Variants in NCKAP5 observed in about 807,000 individuals in gnomAD.
The protein encoded by NCKAP5 is nck-associated protein 5.
A neutral mutation model predicts 167.0 loss-of-function variants in NCKAP5; 92 were observed. That is an observed-to-expected ratio of 0.55 (90% CI 0.47 to 0.66). The LOEUF (loss-of-function observed/expected upper bound fraction) is 0.66. Among genes scored for constraint, NCKAP5 ranks in the 30% least tolerant of loss-of-function variants. The pLI is 0.00. For missense variants in NCKAP5, 2,378 were observed against 2,315.0 expected, an observed-to-expected ratio of 1.03 and a Z score of -0.56; for synonymous variants, 891 against 877.4, an observed-to-expected ratio of 1.02 and a Z score of -0.27.
chr2:133,654,719 G>A, the NCKAP5 span, among the ~76,000 whole-genome samples: 1 of 152,196 alleles, frequency 6.6e-6, no homozygotes, highest in South Asian at 2.1e-4. Flanking sequence ...AATAGTTTTT[G>A]AATGAGTGAC....
intron 3 of NCKAP5, among the ~76,000 whole-genome samples, chr2:133,502,404 G>GGCA (rs777137686): frequency 1.4e-4 from 22 of 152,108 alleles, no homozygotes; most frequent in Non-Finnish European, 2.6e-4. Context: ...TTGGATCAAA[G>GGCA]GCAGCCCTCT....
Position 132,784,166 on chromosome 2 carries a change from C to T in NCKAP5, c.2645G>A (p.Arg882Lys), listed in dbSNP as rs1174075361. 1 of 1,537,174 alleles carries T rather than the reference C, an allele frequency of 6.5e-7. No homozygotes were observed. Among genetic ancestry groups the T allele is most frequent in the Non-Finnish European group, 8.7e-7 (1 of 1,144,824 alleles). ...LPHSSRMPSRRDWVQCPKSQT... is the reference protein window; with the variant it reads ...LPHSSRMPSRKDWVQCPKSQT... ...ACTCTTGGGGCACTGGACCCAGTCCCTCCTGCTGGGCATCCTGGAGCTGTG... is the reference window on the plus strand; with the variant it reads ...ACTCTTGGGGCACTGGACCCAGTCCTTCCTGCTGGGCATCCTGGAGCTGTG... Residue 882 changes from arginine (R) to lysine (K), a missense_variant, in exon 14 of 20, where the codon AGG becomes AAG. Arg to Lys is a conservative substitution (Grantham distance 26). Around this residue, in one of 3 missense-constraint regions of NCKAP5, gnomAD observed 4 missense variants for 17.1 expected, o/e 0.23. Coordinates refer to ENST00000409261, the MANE Select transcript of NCKAP5 (RefSeq NM_207363.3).
intron 16 of NCKAP5, among the ~76,000 whole-genome samples, chr2:132,744,021 A>G (rs1048696217): frequency 6.6e-6 from 1 of 151,806 alleles, no homozygotes; most frequent in Non-Finnish European, 1.5e-5. Context: ...ATCTATAACA[A>G]TAGAACTCCA....
At chr2:133,279,854 T>C (rs1157573664) in intron 4 of NCKAP5, among the ~76,000 whole-genome samples, 1 of 152,252 alleles carries the variant, frequency 6.6e-6, no homozygotes, top group East Asian at 1.9e-4. Context: ...TGAATGTTCT[T>C]GTCTTAATTT....
At chr2:132,888,854 TGTA>T in intron 8 of NCKAP5, among the ~76,000 whole-genome samples, 1 of 152,316 alleles carries the variant, frequency 6.6e-6, no homozygotes, top group African/African-American at 2.4e-5. Flanking sequence ...CTAGTATTGT[TGTA>T]GTAGTAGATT....
rs1685749304 is a variant in NCKAP5, at chr2:133,536,154, T to C, written c.-61-18567A>G. Among the ~76,000 whole-genome samples, 5 of 152,308 alleles carry C rather than the reference T, an allele frequency of 3.3e-5. No individual in the cohort carries two copies. The South Asian group carries it at 1.0e-3, about 32-fold the overall frequency. On this transcript the variant is annotated intron_variant, in intron 2 of 19. Coordinates refer to ENST00000409261, the MANE Select transcript of NCKAP5 (RefSeq NM_207363.3). ...CTTTTTAGTTTAATTAAGTCCTATT[T>C]GTCTATTTTTGTTTTGTTGCATTGG...
At chr2:133,481,119 G>A (rs1680387432) in intron 3 of NCKAP5, among the ~76,000 whole-genome samples, 1 of 152,180 alleles carries the variant, frequency 6.6e-6, no homozygotes, top group African/African-American at 2.4e-5. Context: ...AAATGTCAGT[G>A]TGGCTATTGC....
At chr2:133,526,226 AGAAAGGAAAGGAGGGAG>A (rs1684884793) in intron 2 of NCKAP5, among the ~76,000 whole-genome samples, 4 of 110,706 alleles carry the variant, frequency 3.6e-5, no homozygotes, top group African/African-American at 1.3e-4. Context: ...GAAGGAAGGA[AGAAAGGAAAGGAGGGAG>A]GGAAGGAGGG....
In NCKAP5 at chr2:133,308,286, C is replaced by A. The variant is rs1488501108; in HGVS notation, c.70-5176G>T. Among the ~76,000 whole-genome samples the A allele has an allele frequency of 2.6e-5, 4 of 151,698 alleles. No homozygotes were observed. The East Asian group carries it at 7.8e-4, about 30-fold the overall frequency. On this transcript the variant is annotated intron_variant, in intron 3 of 19. Coordinates refer to ENST00000409261, the MANE Select transcript of NCKAP5 (RefSeq NM_207363.3). ...TGTATTTTTAGTAGAGACGGGGTTT[C>A]ACCATTTTAGCCGGGATGGTCTCGA...
At chr2:133,047,061 C>T (rs1228398059) in intron 6 of NCKAP5, among the ~76,000 whole-genome samples, 1 of 152,214 alleles carries the variant, frequency 6.6e-6, no homozygotes, top group African/African-American at 2.4e-5. Flanking sequence ...TTAAAGAGCA[C>T]TATTCCACAC....
At chr2:133,229,610 T>C (rs1574445240) in intron 4 of NCKAP5, among the ~76,000 whole-genome samples, 1 of 152,200 alleles carries the variant, frequency 6.6e-6, no homozygotes, top group East Asian at 1.9e-4. Context: ...GCTATTATTT[T>C]CCCCATTTTA....
intron 11 of NCKAP5, among the ~76,000 whole-genome samples, chr2:132,832,953 A>C (rs1443507953): frequency 6.6e-6 from 1 of 152,138 alleles, no homozygotes. Flanking sequence ...AGTGATCTCC[A>C]TTCTATTTTC....
intron 3 of NCKAP5, among the ~76,000 whole-genome samples, chr2:133,446,819 G>C (rs571995882): frequency 6.6e-6 from 1 of 152,286 alleles, no homozygotes; most frequent in East Asian, 1.9e-4. Flanking sequence ...GAGGCAGGAA[G>C]AAGAGGTGAG....
intron 4 of NCKAP5, among the ~76,000 whole-genome samples, chr2:133,221,882 G>A (rs925380121): frequency 1.3e-5 from 2 of 152,182 alleles, no homozygotes; most frequent in African/African-American, 4.8e-5. Flanking sequence ...TGAATGCAAT[G>A]CTGTTAGACT....
At chr2:133,243,166 C>T (rs16822540) in intron 4 of NCKAP5, among the ~76,000 whole-genome samples, 4,092 of 152,080 alleles carry the variant, frequency 0.027, 168 homozygotes, top group African/African-American at 0.092. Flanking sequence ...TAAGTGCAAC[C>T]CCCATTTTTT....
At chr2:133,173,306 A>G (rs539800958) in intron 5 of NCKAP5, among the ~76,000 whole-genome samples, 1 of 152,324 alleles carries the variant, frequency 6.6e-6, no homozygotes, top group African/African-American at 2.4e-5. Flanking sequence ...GAAAATGGCT[A>G]TGGAAATACT....
intron 6 of NCKAP5, among the ~76,000 whole-genome samples, chr2:133,050,115 G>A (rs2079551010): frequency 6.6e-6 from 1 of 152,170 alleles, no homozygotes; most frequent in Non-Finnish European, 1.5e-5. Flanking sequence ...CACCTGCTGG[G>A]TTTCTTACAA....
At chr2:133,379,660 G>A (rs1686383607) in intron 3 of NCKAP5, among the ~76,000 whole-genome samples, 1 of 152,122 alleles carries the variant, frequency 6.6e-6, no homozygotes, top group African/African-American at 2.4e-5. Context: ...GTACAGACAG[G>A]TGCTCAATGC....
chr2:132,726,257 G>T (rs980478332), intron 18 of NCKAP5, among the ~76,000 whole-genome samples: 2 of 152,208 alleles, frequency 1.3e-5, no homozygotes, highest in Non-Finnish European at 2.9e-5. Context: ...GCTCCCAAAA[G>T]GACAGTAGCT....
Sources: gnomAD v4.1 joint callset for allele counts (sites outside exome capture counted in the v4.1 genomes callset) on GRCh38, gnomAD v4.1.1 for gene constraint, gnomAD v4.1.1 regional missense constraint, MANE v1.5 for transcripts, NCBI Gene and HGNC (gene_info 2026-07-23, HGNC 2026-07-21) for gene names.